The following ZNF407 variants were observed in gnomAD, a reference collection of about 807,000 sequenced individuals.
The protein encoded by ZNF407 is zinc finger protein 407.
ZNF407 carries 17 observed loss-of-function variants against 131.2 expected under a neutral mutation model. The observed-to-expected ratio is 0.13, with a 90% confidence interval of 0.09 to 0.19. The LOEUF (loss-of-function observed/expected upper bound fraction) is 0.19, where lower values mean the gene tolerates loss of function less well. ZNF407 is among the 10% of genes least tolerant of loss of function. The pLI is 1.00. For synonymous variants in ZNF407, 1,156 were observed against 1,062.0 expected, an observed-to-expected ratio of 1.09 and a Z score of -1.72; for missense variants, 2,681 against 2,830.6, an observed-to-expected ratio of 0.95 and a Z score of 1.20.
chr18:74,703,193 C>T lies in ZNF407; in HGVS notation c.4802+62071C>T, dbSNP rs368557510. On this transcript the variant is annotated intron_variant, in intron 3 of 8. Transcript: ENST00000299687. This position sits in a 1 kb window ranked among gnomAD's most constrained non-coding sequence, Gnocchi z 4.1. The stretch of plus-strand genomic sequence containing the variant: ...TACAAGTGACTGCTGCTTGTAGCAG[C>T]CTTCTTCATTTCTCACAAGAACCTG... 2.3e-4 allele frequency among the ~76,000 whole-genome samples: 35 copies of T among 152,306 alleles called. No homozygotes were observed. The highest frequency in any genetic ancestry group is 1.3e-3 in the Admixed American group (20 of 15,302).
intron 3 of ZNF407, among the ~76,000 whole-genome samples, chr18:74,748,828 G>A (rs1156540601): frequency 3.3e-5 from 5 of 152,094 alleles, no homozygotes; most frequent in African/African-American, 1.2e-4. Flanking sequence ...CAAAAATATA[G>A]TGCAGTGACT....
At chr18:74,982,700 A>G (rs906908396) in intron 8 of ZNF407, among the ~76,000 whole-genome samples, 3 of 152,236 alleles carry the variant, frequency 2.0e-5, no homozygotes, top group African/African-American at 7.2e-5. Context: ...CAGCAGGTAG[A>G]TAGATAAAAA....
chr18:75,030,034 A>T (rs1340029333), intron 8 of ZNF407, among the ~76,000 whole-genome samples: 1 of 152,212 alleles, frequency 6.6e-6, no homozygotes, highest in African/African-American at 2.4e-5. Flanking sequence ...GCTTTTTCTA[A>T]GTATATATAG....
At chr18:74,955,636 C>T (rs1972266794) in intron 8 of ZNF407, among the ~76,000 whole-genome samples, 3 of 152,134 alleles carry the variant, frequency 2.0e-5, no homozygotes. Context: ...GTCCTGTTGG[C>T]AAAAATTTCA....
At chr18:74,616,350 A>G (rs1211007244) in intron 1 of ZNF407, among the ~76,000 whole-genome samples, 13 of 152,142 alleles carry the variant, frequency 8.5e-5, no homozygotes, top group African/African-American at 3.1e-4. Context: ...GTTGAAGATA[A>G]AGCTTTTTGG....
At position 74,827,572 on chromosome 18, in the gene ZNF407, G is replaced by A. The variant is rs527789381; in HGVS notation, c.4877+46070G>A. On this transcript the variant is annotated intron_variant, in intron 4 of 8. Coordinates refer to ENST00000299687, the MANE Select transcript of ZNF407 (RefSeq NM_017757.3). Reference sequence around the variant, plus strand: ...TTGATGTGTCTCCATTATTCTTGAAGCACTTCTTTCTTTGCTGAAATCATA... The same window carrying A: ...TTGATGTGTCTCCATTATTCTTGAAACACTTCTTTCTTTGCTGAAATCATA... Among the ~76,000 whole-genome samples, 4 of 152,042 alleles carry A rather than the reference G, an allele frequency of 2.6e-5. No individual in the cohort carries two copies. The East Asian group carries it at 7.7e-4, about 29-fold the overall frequency.
At chr18:75,051,137 C>T (rs547756315) in intron 8 of ZNF407, among the ~76,000 whole-genome samples, 41 of 152,130 alleles carry the variant, frequency 2.7e-4, no homozygotes, top group Admixed American at 6.5e-4. Context: ...GAAGTATGTA[C>T]GACAGGCTGT....
At position 74,771,302 on chromosome 18, in the gene ZNF407, A is replaced by G. The variant is rs896605884; in HGVS notation, c.4803-10126A>G. On this transcript the variant is annotated intron_variant, in intron 3 of 8. Transcript: ENST00000299687. ...ATGAATTTTGGAGTAAACAAATTTC[A>G]TATAATCATAGTTTTCCCCCTTTGT... is the stretch of plus-strand genomic sequence containing the variant. Among the ~76,000 whole-genome samples the G allele has an allele frequency of 4.1e-4, 62 of 152,304 alleles. 1 individual carries two copies. Among genetic ancestry groups the G allele is most frequent in the African/African-American group, 1.4e-3 (58 of 41,588 alleles).
intron 8 of ZNF407, among the ~76,000 whole-genome samples, chr18:74,949,077 A>G (rs891598046): frequency 6.6e-6 from 1 of 152,246 alleles, no homozygotes; most frequent in Non-Finnish European, 1.5e-5. Flanking sequence ...GAAGAAAACT[A>G]GAAATGGAAT....
chr18:75,026,588 A>G (rs1466948327), intron 8 of ZNF407, among the ~76,000 whole-genome samples: 1 of 152,220 alleles, frequency 6.6e-6, no homozygotes, highest in African/African-American at 2.4e-5. Context: ...AGCTTGATTC[A>G]GTAACCCATT....
rs181530774 is a variant in ZNF407, at chr18:74,855,412, G to A, written c.4878-21785G>A. 5.1e-3 allele frequency among the ~76,000 whole-genome samples: 778 copies of A among 152,234 alleles called. 8 individuals carry two copies. Among genetic ancestry groups the A allele is most frequent in the African/African-American group, 0.018 (740 of 41,538 alleles). On this transcript the variant is annotated intron_variant, in intron 4 of 8. Transcript: ENST00000299687. Reference sequence around the variant, plus strand: ...TAACAGTCGTTGGAAGATACATGTAGCATAATTTAACAGTAATAATCACAA... The same window carrying A: ...TAACAGTCGTTGGAAGATACATGTAACATAATTTAACAGTAATAATCACAA...
intron 8 of ZNF407, among the ~76,000 whole-genome samples, chr18:74,927,384 A>G (rs1016865421): frequency 6.6e-6 from 1 of 152,264 alleles, no homozygotes; most frequent in African/African-American, 2.4e-5. Flanking sequence ...TAAGAGTTCA[A>G]ATAATCTAAA....
chr18:74,700,699 A>G (rs1967472093), intron 3 of ZNF407, among the ~76,000 whole-genome samples: 1 of 152,216 alleles, frequency 6.6e-6, no homozygotes, highest in African/African-American at 2.4e-5. Context: ...TTACAGTGGT[A>G]GAGATACTCA....
At chr18:74,931,665 A>T (rs142281054) in intron 8 of ZNF407, among the ~76,000 whole-genome samples, 1,689 of 152,282 alleles carry the variant, frequency 0.011, 30 homozygotes, top group African/African-American at 0.037. Context: ...CTAAAAAAAA[A>T]ACTGTTGAAC....
chr18:74,903,371 C>T (rs1160201519), intron 7 of ZNF407, among the ~76,000 whole-genome samples: 1 of 151,946 alleles, frequency 6.6e-6, no homozygotes, highest in Non-Finnish European at 1.5e-5. Context: ...ATATTTTTTT[C>T]TAGACAACGT....
At chr18:74,966,479 T>C (rs574352055) in intron 8 of ZNF407, among the ~76,000 whole-genome samples, 1 of 152,312 alleles carries the variant, frequency 6.6e-6, no homozygotes, top group South Asian at 2.1e-4. Flanking sequence ...ACCGTAGGTA[T>C]GTGGATTTGT....
chr18:74,876,449 A>T (rs952748428), intron 4 of ZNF407, among the ~76,000 whole-genome samples: 2 of 152,248 alleles, frequency 1.3e-5, no homozygotes, highest in Non-Finnish European at 2.9e-5. Flanking sequence ...AAACAGAGGA[A>T]GTATTCAAGG....
In ZNF407 at chr18:74,830,618, A is replaced by G. The variant is rs151280024; in HGVS notation, c.4878-46579A>G. On this transcript the variant is annotated intron_variant, in intron 4 of 8. Coordinates refer to ENST00000299687, the MANE Select transcript of ZNF407 (RefSeq NM_017757.3). ...TAATTGACGAATAATGTTTGTACAT[A>G]GGGCACATAGTGATGTTTTGATGTA... 1.2e-3 allele frequency among the ~76,000 whole-genome samples: 189 copies of G among 152,324 alleles called. 1 individual carries two copies. Among genetic ancestry groups the G allele is most frequent in the African/African-American group, 4.3e-3 (178 of 41,570 alleles).
intron 3 of ZNF407, among the ~76,000 whole-genome samples, chr18:74,731,137 G>A (rs893884879): frequency 1.7e-4 from 26 of 152,132 alleles, no homozygotes; most frequent in African/African-American, 6.3e-4. Context: ...AGGCTCTCCT[G>A]TGTTTTTGGC....
Sources: allele counts gnomAD v4.1 joint callset (sites outside exome capture counted in the v4.1 genomes callset), GRCh38; gene constraint gnomAD v4.1.1; non-coding constraint Gnocchi (gnomAD v3.1); transcripts MANE v1.5; gene names NCBI Gene and HGNC (gene_info 2026-07-23, HGNC 2026-07-21).